Variants in ZNF782 observed in about 807,000 individuals in gnomAD.
ZNF782 encodes the protein zinc finger protein 782.
Under a neutral mutation model 13.0 loss-of-function variants are expected in ZNF782, and 12 were observed. The observed-to-expected ratio is 0.92, with a 90% CI of 0.59 to 1.50. ZNF782 has a LOEUF of 1.50. Ranked by LOEUF, ZNF782 falls within the 40% of genes most tolerant of loss-of-function variation. The pLI is 0.00. For missense variants in ZNF782, 770 were observed against 822.9 expected (o/e 0.94, Z 0.79); for synonymous variants, 284 against 283.0 (o/e 1.00, Z -0.04).
chr9:96,912,678 GCC>G, the ZNF782 span, among the ~76,000 whole-genome samples: 2 of 151,636 alleles, frequency 1.3e-5, no homozygotes, highest in Admixed American at 1.3e-4. Flanking sequence ...ACAGGCGTAT[GCC>G]ATCACGCCTG....
the ZNF782 span, among the ~76,000 whole-genome samples, chr9:96,926,820 GCTT>G: frequency 2.6e-5 from 4 of 152,176 alleles, no homozygotes; most frequent in South Asian, 2.1e-4. Flanking sequence ...AGGGGCAAAT[GCTT>G]CTTAAGTGCC....
intron 4 of ZNF782, among the ~76,000 whole-genome samples, chr9:96,839,468 A>C (rs1305907139): frequency 1.3e-5 from 2 of 151,996 alleles, no homozygotes; most frequent in Admixed American, 1.3e-4. Context: ...GCTGTACTTA[A>C]AGGGAGGAAC....
intron 3 of ZNF782, among the ~76,000 whole-genome samples, chr9:96,848,145 C>T (rs533766084): frequency 9.9e-5 from 15 of 152,108 alleles, no homozygotes; most frequent in East Asian, 1.9e-4. Context: ...CAACAAACTA[C>T]GCATAGAGGG....
chr9:96,821,462 G>T (rs1421972350), intron 5 of ZNF782, among the ~76,000 whole-genome samples: 1 of 151,940 alleles, frequency 6.6e-6, no homozygotes, highest in African/African-American at 2.4e-5. Flanking sequence ...CAAATATAAG[G>T]AACATTTATT....
chr9:96,911,516 G>T, the ZNF782 span, among the ~76,000 whole-genome samples: 1,004 of 111,528 alleles, frequency 9.0e-3, 26 homozygotes, highest in East Asian at 0.11. Context: ...TTTTGTTTTT[G>T]TTTTGTTTTG....
intron 5 of ZNF782, among the ~76,000 whole-genome samples, chr9:96,820,741 G>C (rs1343253111): frequency 1.3e-5 from 2 of 152,034 alleles, no homozygotes; most frequent in East Asian, 1.9e-4. Flanking sequence ...GTAGATACAG[G>C]GTTTTGCCAT....
At chr9:96,861,477 G>T (rs576754080) in intron 2 of ZNF782, 2 of 153,804 alleles carry the variant, frequency 1.3e-5, no homozygotes, top group Non-Finnish European at 2.9e-5. Context: ...AAGGCATGGG[G>T]GCATGTGCCT....
At chr9:96,820,242 C>A (rs1210521451) in intron 5 of ZNF782, among the ~76,000 whole-genome samples, 1 of 152,158 alleles carries the variant, frequency 6.6e-6, no homozygotes, top group Non-Finnish European at 1.5e-5. Flanking sequence ...GATTCTTATA[C>A]AAATATAAAT....
At chr9:96,846,987 ATCTAC>A in intron 3 of ZNF782, among the ~76,000 whole-genome samples, 1 of 152,328 alleles carries the variant, frequency 6.6e-6, no homozygotes, top group Middle Eastern at 3.4e-3. Flanking sequence ...CATATCAAGT[ATCTAC>A]TCAGATCACA....
At chr9:96,835,178 C>T (rs1249756713) in intron 4 of ZNF782, among the ~76,000 whole-genome samples, 2 of 152,170 alleles carry the variant, frequency 1.3e-5, no homozygotes, top group Non-Finnish European at 1.5e-5. Context: ...GTGGAAGAAC[C>T]TTCTAGGCAG....
chr9:96,831,959 ATC>A (rs2118536171), intron 4 of ZNF782, among the ~76,000 whole-genome samples: 1 of 152,128 alleles, frequency 6.6e-6, no homozygotes, highest in East Asian at 1.9e-4. Flanking sequence ...AACTCTTTCA[ATC>A]TGTCTTTTAA....
chr9:96,835,068 C>G (rs1402116445), intron 4 of ZNF782, among the ~76,000 whole-genome samples: 1 of 152,162 alleles, frequency 6.6e-6, no homozygotes, highest in African/African-American at 2.4e-5. Flanking sequence ...GGAAAAAAGG[C>G]CATCCTTTTT....
chr9:96,903,754 G>A, the ZNF782 span, among the ~76,000 whole-genome samples: 8 of 151,012 alleles, frequency 5.3e-5, no homozygotes, highest in African/African-American at 2.0e-4. Flanking sequence ...AGTAGAGAGG[G>A]GGTTTCACCG....
the ZNF782 span, among the ~76,000 whole-genome samples, chr9:96,916,503 A>G: frequency 0.021 from 3,183 of 151,794 alleles, 81 homozygotes; most frequent in Middle Eastern, 0.045. Context: ...AAAAAAAAAA[A>G]GAAGTTCTTT....
chr9:96,893,835 C>T, the ZNF782 span: 2 of 143,990 alleles, frequency 1.4e-5, no homozygotes, highest in African/African-American at 2.9e-5. Context: ...CCCTTCTCTA[C>T]TAAAAATACA....
At chr9:96,912,834 T>C in the ZNF782 span, among the ~76,000 whole-genome samples, 1 of 151,830 alleles carries the variant, frequency 6.6e-6, no homozygotes, top group Non-Finnish European at 1.5e-5. Flanking sequence ...GCCTTTTTTT[T>C]CCGTTTTTTT....
the ZNF782 span, among the ~76,000 whole-genome samples, chr9:96,915,428 C>G: frequency 6.7e-6 from 1 of 149,908 alleles, no homozygotes; most frequent in Non-Finnish European, 1.5e-5. Context: ...CCTGTAATCC[C>G]AGCACTCTGG....
chr9:96,871,903 G>A (rs1851833495), intron 1 of ZNF782, among the ~76,000 whole-genome samples: 1 of 152,102 alleles, frequency 6.6e-6, no homozygotes, highest in African/African-American at 2.4e-5. Flanking sequence ...GCTTTCATCT[G>A]CATTGATCAC....
At chr9:96,843,423 C>T (rs1851247566) in intron 4 of ZNF782, among the ~76,000 whole-genome samples, 1 of 152,158 alleles carries the variant, frequency 6.6e-6, no homozygotes, top group Admixed American at 6.5e-5. Flanking sequence ...CCAGTCTCAA[C>T]ACGTCAAATA....
Sources: gnomAD v4.1 joint callset for allele counts (sites outside exome capture counted in the v4.1 genomes callset) on GRCh38, gnomAD v4.1.1 for gene constraint, MANE v1.5 for transcripts, NCBI Gene and HGNC (gene_info 2026-07-23, HGNC 2026-07-21) for gene names.